LIX1: variants seen among roughly 807,000 people sequenced by gnomAD.
The protein encoded by LIX1 is protein limb expression 1 homolog.
LIX1 carries 24 observed loss-of-function variants against 33.4 expected under a neutral mutation model. The ratio of observed to expected loss-of-function variants is 0.72; its 90% CI spans 0.52 to 1.01. LIX1 has a LOEUF of 1.01. Ranked by LOEUF, LIX1 falls within the 50% of genes least tolerant of loss-of-function variation. The probability of loss-of-function intolerance (pLI) is 0.00; values close to 1 mark genes in which losing one functional copy is unlikely to be tolerated. For missense variants in LIX1, 311 were observed against 339.2 expected, an observed-to-expected ratio of 0.92 and a Z score of 0.65; for synonymous variants, 124 against 124.0, an observed-to-expected ratio of 1.00 and a Z score of 0.00.
At chr5:97,131,334 A>G (rs2112795461) in intron 1 of LIX1, among the ~76,000 whole-genome samples, 1 of 152,008 alleles carries the variant, frequency 6.6e-6, no homozygotes. Context: ...GCTTACTCCC[A>G]CACTTCAGGG....
At chr5:97,105,876 C>A (rs533306759) in intron 3 of LIX1, among the ~76,000 whole-genome samples, 8 of 152,226 alleles carry the variant, frequency 5.3e-5, no homozygotes, top group Admixed American at 2.6e-4. Flanking sequence ...TGGGGAATGG[C>A]GCTAAGAAGC....
At chr5:97,099,557 G>C (rs1042371334) in intron 4 of LIX1, among the ~76,000 whole-genome samples, 3 of 152,168 alleles carry the variant, frequency 2.0e-5, no homozygotes, top group Admixed American at 2.0e-4. Flanking sequence ...ATAAATATTG[G>C]CCAGGTGTGG....
intron 1 of LIX1, among the ~76,000 whole-genome samples, chr5:97,130,260 G>A (rs1050261402): frequency 6.6e-6 from 1 of 152,238 alleles, no homozygotes; most frequent in Non-Finnish European, 1.5e-5. Context: ...TTCTGGCAAG[G>A]CCAGGTCTCT....
intron 2 of LIX1, among the ~76,000 whole-genome samples, chr5:97,118,952 G>C (rs1747708435): frequency 6.6e-6 from 1 of 152,054 alleles, no homozygotes. Flanking sequence ...TCAGTGAGAG[G>C]CTTCTCTGCA....
intron 1 of LIX1, among the ~76,000 whole-genome samples, chr5:97,138,449 G>A (rs1445357437): frequency 1.3e-5 from 2 of 152,102 alleles, no homozygotes; most frequent in Non-Finnish European, 2.9e-5. Flanking sequence ...TTAGGTATTC[G>A]GATGTGTACC....
intron 1 of LIX1, among the ~76,000 whole-genome samples, chr5:97,140,977 T>C (rs1366997516): frequency 1.3e-5 from 2 of 152,244 alleles, no homozygotes; most frequent in African/African-American, 4.8e-5. Context: ...CAGAACTTAA[T>C]GTATGCTTTA....
chr5:97,126,958 GT>G (rs1377338189), intron 1 of LIX1, among the ~76,000 whole-genome samples: 1 of 152,092 alleles, frequency 6.6e-6, no homozygotes, highest in African/African-American at 2.4e-5. Flanking sequence ...TTTTCTACTA[GT>G]TGATGTAACT....
chr5:97,099,199 G>A lies in LIX1; in HGVS notation c.484-2312C>T, dbSNP rs117378676. 2.2e-4 allele frequency among the ~76,000 whole-genome samples: 33 copies of A among 152,252 alleles called. No individual in the cohort carries two copies. In the East Asian group the frequency reaches 3.9e-3, roughly 18 times the overall value. On this transcript the variant is annotated intron_variant, in intron 4 of 5. Transcript: ENST00000274382. ...CTTGTTCAGACTTTCACTTCATCACGTCAGTATGCTAATTTGAAAAAGTGG... is the reference window on the plus strand; with the variant it reads ...CTTGTTCAGACTTTCACTTCATCACATCAGTATGCTAATTTGAAAAAGTGG...
chr5:97,097,865 C>G (rs1746473262), intron 4 of LIX1, among the ~76,000 whole-genome samples: 1 of 152,072 alleles, frequency 6.6e-6, no homozygotes, highest in South Asian at 2.1e-4. Flanking sequence ...GAGATAACAG[C>G]CAAATCCCCA....
chr5:97,135,095 A>G (rs975323706), intron 1 of LIX1, among the ~76,000 whole-genome samples: 2 of 152,166 alleles, frequency 1.3e-5, no homozygotes, highest in African/African-American at 4.8e-5. Context: ...ATGATCCTTC[A>G]GGTTGTTTTA....
intron 2 of LIX1, among the ~76,000 whole-genome samples, chr5:97,108,146 A>G (rs747709970): frequency 3.9e-5 from 6 of 152,234 alleles, no homozygotes; most frequent in Non-Finnish European, 8.8e-5. Context: ...TTTTATCTCC[A>G]GGTTAGTACA....
At chr5:97,109,502 C>T (rs1195374601) in intron 2 of LIX1, among the ~76,000 whole-genome samples, 7 of 152,206 alleles carry the variant, frequency 4.6e-5, no homozygotes, top group Non-Finnish European at 1.0e-4. Context: ...GATCCACCTG[C>T]CTTGGCCTCC....
chr5:97,115,404 C>T (rs1193664511), intron 2 of LIX1, among the ~76,000 whole-genome samples: 1 of 152,142 alleles, frequency 6.6e-6, no homozygotes, highest in African/African-American at 2.4e-5. Context: ...AGACATGAAA[C>T]AGTAACTTTC....
intron 1 of LIX1, among the ~76,000 whole-genome samples, chr5:97,140,212 AGTGTTTTGT>A (rs1042255913): frequency 5.9e-5 from 9 of 152,214 alleles, no homozygotes; most frequent in Admixed American, 5.2e-4. Flanking sequence ...AAAATTTAAA[AGTGTTTTGT>A]GTGTGCATGT....
chr5:97,113,097 T>C (rs1243681269), intron 2 of LIX1, among the ~76,000 whole-genome samples: 3 of 152,174 alleles, frequency 2.0e-5, no homozygotes, highest in Non-Finnish European at 2.9e-5. Flanking sequence ...GTCACTGCCT[T>C]GGGGAAAGTC....
chr5:97,138,968 C>T (rs1748226824), intron 1 of LIX1, among the ~76,000 whole-genome samples: 1 of 152,154 alleles, frequency 6.6e-6, no homozygotes, highest in Non-Finnish European at 1.5e-5. Flanking sequence ...AATCTGAAAT[C>T]TACAACACTT....
In LIX1 at chr5:97,092,960, AT is replaced by A. The variant is rs1184022691; in HGVS notation, c.*1787del. On this transcript the variant is annotated 3_prime_UTR_variant, in exon 6 of 6. Transcript: ENST00000274382. ...GATTTCTTTTCAGGAATATAAGGGA[AT>A]AAAGTTCTTTCGTGGGTGACATTTA... 6.6e-6 allele frequency: 1 copy of A among 152,386 alleles called. No individual in the cohort carries two copies. Among genetic ancestry groups the A allele is most frequent in the African/African-American group, 2.4e-5 (1 of 41,456 alleles). The allele number at this position is 152,386 out of a possible 1,614,324, so 9.4% of individuals were successfully genotyped here. A position where few individuals can be genotyped will look rare whatever the true frequency, so the allele number is the denominator to read the frequency against.
rs188208402 is a variant in LIX1, at chr5:97,097,894, G to A, written c.484-1007C>T. Among the ~76,000 whole-genome samples the A allele has an allele frequency of 2.2e-4, 33 of 152,200 alleles. No individual in the cohort carries two copies. The East Asian group carries it at 4.4e-3, about 20-fold the overall frequency. On this transcript the variant is annotated intron_variant, in intron 4 of 5. Coordinates refer to ENST00000274382, the MANE Select transcript of LIX1 (RefSeq NM_153234.5). ...ATCCCCAAACAAGCCAGTTTTAGCC[G>A]GCATAATAAAGAAGTCCCCTCTGCT...
intron 1 of LIX1, among the ~76,000 whole-genome samples, chr5:97,141,927 G>A (rs1427843830): frequency 1.3e-5 from 2 of 151,916 alleles, no homozygotes; most frequent in Non-Finnish European, 2.9e-5. Context: ...ATGGTGGTAG[G>A]GGGTCCACAC....
Sources: gnomAD v4.1 joint callset for allele counts (sites outside exome capture counted in the v4.1 genomes callset) on GRCh38, gnomAD v4.1.1 for gene constraint, MANE v1.5 for transcripts, NCBI Gene and HGNC (gene_info 2026-07-23, HGNC 2026-07-21) for gene names.